The following GNAO1 variants were observed in gnomAD, a reference collection of about 807,000 sequenced individuals.
The protein encoded by GNAO1 is guanine nucleotide-binding protein G(o) subunit alpha.
For missense variants in GNAO1, 166 were observed against 478.7 expected, an observed-to-expected ratio of 0.35 and a Z score of 6.10; for synonymous variants, 164 against 180.7, an observed-to-expected ratio of 0.91 and a Z score of 0.74.
At chr16:56,262,202 G>A (rs1304451462) in intron 2 of GNAO1, among the ~76,000 whole-genome samples, 1 of 152,232 alleles carries the variant, frequency 6.6e-6, no homozygotes, top group Non-Finnish European at 1.5e-5. Flanking sequence ...TTTGCCATTT[G>A]CAGAGCTCAG....
intron 6 of GNAO1, chr16:56,345,501 C>CT: frequency 1.0e-6 from 1 of 985,444 alleles, no homozygotes; most frequent in Non-Finnish European, 1.2e-6. Context: ...GCACAGAGCT[C>CT]TGAGTGGTGC....
rs1596883533 is a variant in GNAO1, at chr16:56,354,740, C to T, written c.878-126C>T. On this transcript the variant is annotated intron_variant, in intron 7 of 8. Coordinates refer to ENST00000262493, the MANE Select transcript of GNAO1 (RefSeq NM_020988.3). This position sits in a 1 kb window ranked among gnomAD's most constrained non-coding sequence, Gnocchi z 4.3. ...TGGAACTGCCCAGCAGTTCCTACTG[C>T]TCCCTTCCTGTCTCATCCCACTTCC... 5.6e-5 allele frequency: 34 copies of T among 609,054 alleles called. No individual in the cohort carries two copies. In the East Asian group the frequency reaches 9.6e-4, roughly 17 times the overall value. 37.7% of individuals were successfully genotyped at this position (609,054 alleles called of 1,614,324 possible). A position where few individuals can be genotyped will look rare whatever the true frequency, so the allele number is the denominator to read the frequency against.
At chr16:56,346,193 T>A in intron 6 of GNAO1, 1 of 985,406 alleles carries the variant, frequency 1.0e-6, no homozygotes, top group Non-Finnish European at 1.2e-6. Flanking sequence ...AGAAATTCTC[T>A]CCCTGTGCAT....
rs1228201971 is a variant in GNAO1 at position 56,222,007 on chromosome 16, A to G, written c.161+29391A>G. 2.0e-5 allele frequency among the ~76,000 whole-genome samples: 3 copies of G among 152,188 alleles called. No individual in the cohort carries two copies. In the East Asian group the frequency reaches 5.8e-4, roughly 29 times the overall value. ...GAGGCTAGGTGGGATGTTGAGGGAA[A>G]CTTAGGAAAAGAGCTGGAAGTCAAG... On this transcript the variant is annotated intron_variant, in intron 2 of 8. Transcript: ENST00000262493.
chr16:56,207,558 T>G (rs1026710), intron 2 of GNAO1, among the ~76,000 whole-genome samples: 92,727 of 152,078 alleles, frequency 0.61, 28,604 homozygotes, highest in East Asian at 0.71. Flanking sequence ...CAATTAATTG[T>G]TCCAGGGCTA....
intron 2 of GNAO1, among the ~76,000 whole-genome samples, chr16:56,212,255 A>G (rs2036395866): frequency 6.6e-6 from 1 of 152,256 alleles, no homozygotes. Context: ...ATTGAATGCC[A>G]TACATGGTAT....
chr16:56,255,565 A>C (rs1248952573), intron 2 of GNAO1: 1 of 152,126 alleles, frequency 6.6e-6, no homozygotes, highest in Admixed American at 6.5e-5. Flanking sequence ...TTTTGTGTTC[A>C]TCTTGAAGTT....
chr16:56,227,774 T>C lies in GNAO1; in HGVS notation c.161+35158T>C, dbSNP rs535699230. On this transcript the variant is annotated intron_variant, in intron 2 of 8. Coordinates refer to ENST00000262493, the MANE Select transcript of GNAO1 (RefSeq NM_020988.3). Reference sequence around the variant, plus strand: ...AATCCCACCTCTTTCCCTGGCTTTATTGGTATTATTTTCCCTGGTATTATT... The same window carrying C: ...AATCCCACCTCTTTCCCTGGCTTTACTGGTATTATTTTCCCTGGTATTATT... 3.9e-5 allele frequency among the ~76,000 whole-genome samples: 6 copies of C among 152,210 alleles called. No individual in the cohort carries two copies. The South Asian group carries it at 1.0e-3, about 26-fold the overall frequency.
chr16:56,196,147 T>C (rs2036230958), intron 2 of GNAO1, among the ~76,000 whole-genome samples: 1 of 152,060 alleles, frequency 6.6e-6, no homozygotes, highest in Non-Finnish European at 1.5e-5. Context: ...CCCCCCCCCT[T>C]GTGTGTGTGA....
intron 2 of GNAO1, among the ~76,000 whole-genome samples, chr16:56,267,155 G>A (rs2036962699): frequency 6.6e-6 from 1 of 152,232 alleles, no homozygotes; most frequent in Non-Finnish European, 1.5e-5. Context: ...AGAAGAGGGA[G>A]GAGGGTCCAG....
chr16:56,327,648 T>G (rs575940372), intron 3 of GNAO1, among the ~76,000 whole-genome samples: 159 of 152,238 alleles, frequency 1.0e-3, no homozygotes, highest in Admixed American at 4.1e-3. Flanking sequence ...CATGTGATTG[T>G]AGTCTTTGAA....
chr16:56,258,737 G>A (rs78915938), intron 2 of GNAO1, among the ~76,000 whole-genome samples: 43 of 152,326 alleles, frequency 2.8e-4, no homozygotes, highest in Admixed American at 1.6e-3. Context: ...GTTACAGAGC[G>A]CTTCCCAAGA....
intron 2 of GNAO1, among the ~76,000 whole-genome samples, chr16:56,272,534 A>G (rs570832283): frequency 2.6e-5 from 4 of 152,330 alleles, no homozygotes; most frequent in Admixed American, 2.0e-4. Flanking sequence ...AAGCTTCTTT[A>G]TCTTGGGACA....
intron 3 of GNAO1, among the ~76,000 whole-genome samples, chr16:56,305,601 C>T (rs1027038386): frequency 1.6e-4 from 25 of 152,102 alleles, no homozygotes; most frequent in African/African-American, 5.1e-4. Context: ...AGGGGAGGAA[C>T]GACCTTGACC....
intron 3 of GNAO1, among the ~76,000 whole-genome samples, chr16:56,278,111 A>G (rs2037080691): frequency 6.6e-6 from 1 of 152,120 alleles, no homozygotes; most frequent in Non-Finnish European, 1.5e-5. Context: ...TTCTCTGGCT[A>G]TTTCTCCTCC....
intron 6 of GNAO1, among the ~76,000 whole-genome samples, chr16:56,342,973 C>A (rs748364260): frequency 6.6e-6 from 1 of 151,598 alleles, no homozygotes; most frequent in Non-Finnish European, 1.5e-5. Context: ...ATTAGTGGGG[C>A]GTGGCAGCAC....
intron 2 of GNAO1, among the ~76,000 whole-genome samples, chr16:56,202,920 G>A (rs574271838): frequency 5.9e-5 from 9 of 152,206 alleles, no homozygotes; most frequent in Middle Eastern, 3.2e-3. Context: ...GAGGAACCGG[G>A]TAATAACCTC....
chr16:56,235,122 G>T (rs1463101361), intron 2 of GNAO1: 3 of 353,296 alleles, frequency 8.5e-6, no homozygotes, highest in Non-Finnish European at 1.7e-5. Context: ...TCAGGGTGCA[G>T]TTCGAAGAGG....
At chr16:56,217,207 G>A (rs1200103416) in intron 2 of GNAO1, among the ~76,000 whole-genome samples, 1 of 152,230 alleles carries the variant, frequency 6.6e-6, no homozygotes, top group African/African-American at 2.4e-5. Context: ...AAAGGTCCCT[G>A]TGACATGTTC....
Sources: allele counts gnomAD v4.1 joint callset (sites outside exome capture counted in the v4.1 genomes callset), GRCh38; gene constraint gnomAD v4.1.1; non-coding constraint Gnocchi (gnomAD v3.1); transcripts MANE v1.5; gene names NCBI Gene and HGNC (gene_info 2026-07-23, HGNC 2026-07-21).